OSBPL11: variants seen among roughly 807,000 people sequenced by gnomAD.
The protein encoded by OSBPL11 is oxysterol binding protein like 11.
In OSBPL11, 33 loss-of-function variants were observed where a neutral mutation model predicts 84.4. The ratio of observed to expected loss-of-function variants is 0.39; its 90% CI spans 0.30 to 0.52. OSBPL11 has a LOEUF of 0.52. Ranked by LOEUF, OSBPL11 falls within the 20% of genes least tolerant of loss-of-function variation. The pLI is 0.72. For synonymous variants in OSBPL11, 276 were observed against 310.2 expected, an observed-to-expected ratio of 0.89 and a Z score of 1.16; for missense variants, 736 against 901.1, an observed-to-expected ratio of 0.82 and a Z score of 2.35.
intron 10 of OSBPL11, 45 bp from the exon 11 acceptor site, chr3:125,538,678 C>T (rs1489949800): frequency 6.6e-7 from 1 of 1,518,670 alleles, no homozygotes; most frequent in Non-Finnish European, 8.9e-7. Context: ...TAAGTGATAT[C>T]ATGTTTGTTT....
chr3:125,584,772 A>G (rs1580064438), intron 1 of OSBPL11, among the ~76,000 whole-genome samples: 1 of 152,214 alleles, frequency 6.6e-6, no homozygotes, highest in East Asian at 1.9e-4. Context: ...TTTCAAAGCA[A>G]TAAACAAAAT....
At chr3:125,578,770 C>CA (rs35597933) in intron 4 of OSBPL11, among the ~76,000 whole-genome samples, 190 bp downstream of exon 4, 307 of 130,742 alleles carry the variant, frequency 2.3e-3, no homozygotes, top group African/African-American at 4.2e-3. Context: ...GACTCCGTCT[C>CA]AAAAAAAAAA....
At chr3:125,531,345 G>A (rs1479326704) in intron 12 of OSBPL11, among the ~76,000 whole-genome samples, 1 of 143,970 alleles carries the variant, frequency 6.9e-6, no homozygotes, top group Non-Finnish European at 1.5e-5. Flanking sequence ...AGGCTGGAGT[G>A]CAATGGCGCA....
At chr3:125,548,809 A>C (rs1935857423) in intron 9 of OSBPL11, among the ~76,000 whole-genome samples, 1 of 152,130 alleles carries the variant, frequency 6.6e-6, no homozygotes, top group Non-Finnish European at 1.5e-5. Flanking sequence ...TAATATAGTT[A>C]ATTTTTAGGA....
chr3:125,574,620 A>G (rs1279340779), intron 5 of OSBPL11, among the ~76,000 whole-genome samples: 1 of 152,152 alleles, frequency 6.6e-6, no homozygotes, highest in South Asian at 2.1e-4. Context: ...TTAAAAAAAG[A>G]CAGTATTTGT....
intron 8 of OSBPL11, 81 bp from the exon 9 acceptor site, chr3:125,552,760 A>G (rs1237369422): frequency 6.9e-6 from 10 of 1,443,816 alleles, no homozygotes; most frequent in East Asian, 2.3e-5. Flanking sequence ...CTCTGAAAAC[A>G]TTTCATTCTA....
chr3:125,571,971 G>A (rs977348099), intron 5 of OSBPL11, among the ~76,000 whole-genome samples: 17 of 152,348 alleles, frequency 1.1e-4, no homozygotes, highest in Middle Eastern at 3.4e-3. Flanking sequence ...CTTGTACCAT[G>A]TGCCTGCAAA....
intron 1 of OSBPL11, among the ~76,000 whole-genome samples, chr3:125,584,381 TA>T (rs549142890): frequency 6.6e-6 from 1 of 151,840 alleles, no homozygotes; most frequent in Non-Finnish European, 1.5e-5. Flanking sequence ...AAAACAAAAA[TA>T]AAAAAACAGA....
At chr3:125,568,566 A>G (rs536861281) in intron 5 of OSBPL11, among the ~76,000 whole-genome samples, 44 of 152,314 alleles carry the variant, frequency 2.9e-4, no homozygotes, top group African/African-American at 1.1e-3. Flanking sequence ...CTTACTTCTT[A>G]TACCTTTGGT....
chr3:125,547,464 C>T lies in OSBPL11; in HGVS notation c.1783G>A (p.Gly595Arg). The T allele has an allele frequency of 6.2e-7, 1 of 1,614,012 alleles. No homozygotes were observed. The highest frequency in any genetic ancestry group is 8.5e-7 in the Non-Finnish European group (1 of 1,179,986). The change falls in exon 10 of 13, where the codon GGA becomes AGA. Residue 595 changes from glycine to arginine, a missense_variant. Physicochemically the swap from Gly to Arg is moderately radical, Grantham distance 125 (BLOSUM62 -2). Coordinates refer to ENST00000296220, the MANE Select transcript of OSBPL11 (RefSeq NM_022776.5). Reference protein sequence around the residue: ...GKVSVNCAKTGYSASITFHTK... With the variant: ...GKVSVNCAKTRYSASITFHTK... ...TGAAAAGTGATGCTGGCTGAATATCCAGTTTTTGCACAGTTGACACTGACT... is the reference window on the plus strand; with the variant it reads ...TGAAAAGTGATGCTGGCTGAATATCTAGTTTTTGCACAGTTGACACTGACT...
rs571911794 is a variant in OSBPL11, at chr3:125,586,811, G to A, written c.165-3833C>T. 8.5e-5 allele frequency among the ~76,000 whole-genome samples: 13 copies of A among 152,192 alleles called. No individual in the cohort carries two copies. In the South Asian group the frequency reaches 2.3e-3, roughly 27 times the overall value. On this transcript the variant is annotated intron_variant, in intron 1 of 12. Transcript: ENST00000296220. ...ATTATAGGCGTGAGCCACCGTGCCC[G>A]GCAATATACTTATTTCTCAACCTTT...
intron 11 of OSBPL11, among the ~76,000 whole-genome samples, chr3:125,534,278 G>A (rs993460026): frequency 9.2e-5 from 14 of 152,108 alleles, no homozygotes; most frequent in Non-Finnish European, 1.9e-4. Context: ...AGCTACTCGG[G>A]AGGCTGAGGC....
At chr3:125,583,301 C>T (rs889192163) in intron 1 of OSBPL11, among the ~76,000 whole-genome samples, 14 of 151,820 alleles carry the variant, frequency 9.2e-5, no homozygotes, top group Admixed American at 7.9e-4. Flanking sequence ...AGTGGGATGG[C>T]CGGGCACAGT....
At chr3:125,563,654 T>C (rs771072833) in intron 7 of OSBPL11, 44 bp downstream of exon 7, 12 of 1,601,878 alleles carry the variant, frequency 7.5e-6, no homozygotes, top group East Asian at 2.2e-5. Context: ...TTTTCAGTGA[T>C]ACCTAATTTT....
intron 10 of OSBPL11, among the ~76,000 whole-genome samples, chr3:125,546,396 C>T (rs992224674): frequency 4.6e-5 from 7 of 151,876 alleles, no homozygotes; most frequent in African/African-American, 1.7e-4. Flanking sequence ...AGCAGTGGTG[C>T]AACCTCAGCT....
chr3:125,577,125 G>A lies in OSBPL11; in HGVS notation c.490-760C>T, dbSNP rs72979753. On this transcript the variant is annotated intron_variant, in intron 4 of 12. Coordinates refer to ENST00000296220, the MANE Select transcript of OSBPL11 (RefSeq NM_022776.5). The stretch of plus-strand genomic sequence containing the variant: ...CTTGCAGTATGAGAAAAGCCATTGT[G>A]TTGGATTTCCTGAAGACTAGGTTTT... Among the ~76,000 whole-genome samples the A allele has an allele frequency of 9.0e-3, 1,368 of 152,196 alleles. 15 individuals carry two copies. Among genetic ancestry groups the A allele is most frequent in the African/African-American group, 0.031 (1,274 of 41,524 alleles).
intron 2 of OSBPL11, among the ~76,000 whole-genome samples, chr3:125,582,624 T>C (rs897732932): frequency 2.6e-5 from 4 of 152,198 alleles, no homozygotes; most frequent in Admixed American, 6.5e-5. Context: ...TCTCTTCCCC[T>C]AAGAACCTAA....
At chr3:125,589,766 T>A (rs1195224356) in intron 1 of OSBPL11, among the ~76,000 whole-genome samples, 3 of 152,220 alleles carry the variant, frequency 2.0e-5, no homozygotes, top group African/African-American at 7.2e-5. Flanking sequence ...TATAATAGTA[T>A]TGACAGTGGA....
At chr3:125,559,141 T>A (rs1417014061) in intron 8 of OSBPL11, among the ~76,000 whole-genome samples, 1 of 152,230 alleles carries the variant, frequency 6.6e-6, no homozygotes, top group Non-Finnish European at 1.5e-5. Context: ...TCCACATAGC[T>A]GCAAATATTT....
Sources: allele counts gnomAD v4.1 joint callset (sites outside exome capture counted in the v4.1 genomes callset), GRCh38; gene constraint gnomAD v4.1.1; transcripts MANE v1.5; gene names NCBI Gene and HGNC (gene_info 2026-07-23, HGNC 2026-07-21).